Variants in AKAP9 observed in about 807,000 individuals in gnomAD.
The protein encoded by AKAP9 is A-kinase anchoring protein 9.
AKAP9 carries 311 observed loss-of-function variants against 488.5 expected under a neutral mutation model. The observed-to-expected ratio is 0.64, with a 90% confidence interval of 0.58 to 0.70. The LOEUF (loss-of-function observed/expected upper bound fraction) is 0.70. Ranked by LOEUF, AKAP9 falls within the 30% of genes least tolerant of loss-of-function variation. The pLI is 0.00. For missense variants in AKAP9, 4,215 were observed against 4,374.5 expected (o/e 0.96, Z 1.03); for synonymous variants, 1,462 against 1,483.5 (o/e 0.99, Z 0.33).
At chr7:92,034,496 A>ATTTTTT (rs1364779899) in intron 16 of AKAP9, among the ~76,000 whole-genome samples, 14 of 104,248 alleles carry the variant, frequency 1.3e-4, no homozygotes, top group Non-Finnish European at 1.7e-4. Flanking sequence ...ATATATATAT[A>ATTTTTT]TATTTTTTTT....
chr7:92,094,677 A>C (rs1816248267), intron 39 of AKAP9, among the ~76,000 whole-genome samples: 1 of 151,628 alleles, frequency 6.6e-6, no homozygotes, highest in Non-Finnish European at 1.5e-5. Context: ...TACTGAAAAT[A>C]CAAAAATTAG....
At chr7:92,063,059 A>T (rs1810160670) in intron 24 of AKAP9, among the ~76,000 whole-genome samples, 1 of 147,762 alleles carries the variant, frequency 6.8e-6, no homozygotes, top group Non-Finnish European at 1.5e-5. Flanking sequence ...TTAGCAGTAA[A>T]TGTCAGTCTT....
intron 17 of AKAP9, among the ~76,000 whole-genome samples, chr7:92,039,009 G>A (rs980348160): frequency 6.6e-6 from 1 of 152,100 alleles, no homozygotes; most frequent in African/African-American, 2.4e-5. Flanking sequence ...AGGTTCAGGC[G>A]ATTCTCCTGC....
At chr7:91,977,959 C>T (rs564200975) in intron 2 of AKAP9, among the ~76,000 whole-genome samples, 1 of 151,834 alleles carries the variant, frequency 6.6e-6, no homozygotes, top group East Asian at 1.9e-4. Flanking sequence ...AAGATAATCT[C>T]GGCTGGGTGC....
At chr7:91,976,534 TGA>T (rs1407762035) in intron 2 of AKAP9, among the ~76,000 whole-genome samples, 2 of 152,234 alleles carry the variant, frequency 1.3e-5, no homozygotes, top group Non-Finnish European at 2.9e-5. Context: ...ACCTGAGTGT[TGA>T]GTTTTGTTAA....
At chr7:92,012,697 C>T in intron 9 of AKAP9, 55 bp downstream of exon 9, 2 of 1,394,882 alleles carry the variant, frequency 1.4e-6, no homozygotes, top group Non-Finnish European at 2.0e-6. Flanking sequence ...TTGGATAGAG[C>T]CCACCATTCT....
chr7:91,953,556 A>G (rs1007955698), intron 1 of AKAP9, among the ~76,000 whole-genome samples: 2 of 152,218 alleles, frequency 1.3e-5, no homozygotes, highest in Admixed American at 6.5e-5. Context: ...GGATTCACTA[A>G]TAAGTCTAAA....
chr7:92,041,944 C>A, intron 18 of AKAP9, 102 bp from the exon 19 acceptor site: 1 of 1,234,548 alleles, frequency 8.1e-7, no homozygotes, highest in Non-Finnish European at 1.2e-6. Context: ...TAAGTAGAAC[C>A]AGGGCCTGTT....
chr7:92,097,460 A>C, intron 41 of AKAP9, 103 bp downstream of exon 41: 9 of 1,516,044 alleles, frequency 5.9e-6, no homozygotes, highest in Non-Finnish European at 8.0e-6. Context: ...GCTATATGTA[A>C]ATCACTTAAA....
intron 17 of AKAP9, 124 bp downstream of exon 17, chr7:92,038,896 C>A: frequency 1.4e-6 from 1 of 738,986 alleles, no homozygotes; most frequent in Non-Finnish European, 2.2e-6. Context: ...AGTCTTATGA[C>A]TCACGTTGTT....
chr7:91,962,262 C>T (rs1190736038), intron 1 of AKAP9, among the ~76,000 whole-genome samples: 8 of 152,146 alleles, frequency 5.3e-5, no homozygotes, highest in Admixed American at 6.5e-5. Flanking sequence ...TTCCCTCTCT[C>T]ACATTTTTAC....
At chr7:92,033,075 A>G (rs1003958465) in intron 16 of AKAP9, among the ~76,000 whole-genome samples, 8 of 152,230 alleles carry the variant, frequency 5.3e-5, no homozygotes, top group Admixed American at 1.3e-4. Context: ...GTTGATACAT[A>G]GTAAAGACTC....
rs753463985 is a variant in AKAP9 at position 92,061,245 on chromosome 7, TC to T, written c.5602-12del. 7 of 1,610,868 alleles carry T rather than the reference TC, an allele frequency of 4.3e-6. No individual in the cohort carries two copies. The South Asian group carries it at 7.7e-5, about 18-fold the overall frequency. On this transcript the variant is annotated splice_polypyrimidine_tract_variant and intron_variant, in intron 22 of 49. Coordinates refer to ENST00000356239, the MANE Select transcript of AKAP9 (RefSeq NM_005751.5). ...ACTTTATTTTCTTTTATGTATTGTTTCCCTCTTTGTTTAGCTTGAACATGCG... is the reference window on the plus strand; with the variant it reads ...ACTTTATTTTCTTTTATGTATTGTTTCCTCTTTGTTTAGCTTGAACATGCG...
At chr7:92,015,891 A>G (rs951994611) in intron 10 of AKAP9, among the ~76,000 whole-genome samples, 2 of 152,196 alleles carry the variant, frequency 1.3e-5, no homozygotes, top group Non-Finnish European at 2.9e-5. Context: ...GGAAGCAGAA[A>G]AAATTATAGT....
intron 3 of AKAP9, 104 bp downstream of exon 3, chr7:91,980,437 T>TA (rs1796245483): frequency 1.9e-6 from 1 of 533,490 alleles, no homozygotes; most frequent in Non-Finnish European, 3.2e-6. Context: ...CATGCTTCTA[T>TA]TTTATTTTTA....
chr7:91,973,404 A>G (rs1043086977), intron 1 of AKAP9, among the ~76,000 whole-genome samples: 4 of 152,160 alleles, frequency 2.6e-5, no homozygotes, highest in African/African-American at 9.7e-5. Context: ...TGGTGAGATT[A>G]TATTCTCACT....
chr7:92,040,032 T>C (rs768752923), intron 17 of AKAP9, among the ~76,000 whole-genome samples: 2 of 152,174 alleles, frequency 1.3e-5, no homozygotes, highest in Non-Finnish European at 2.9e-5. Flanking sequence ...TTAGGTGTTC[T>C]TCAAGACCTC....
intron 38 of AKAP9, among the ~76,000 whole-genome samples, chr7:92,091,585 C>CAAAAAAA (rs796606265): frequency 3.6e-4 from 8 of 22,076 alleles, no homozygotes; most frequent in Admixed American, 4.1e-4. Context: ...GACTCTGTCT[C>CAAAAAAA]AAAAAAAAAA....
At chr7:92,013,935 GAATA>G (rs1249833911) in intron 9 of AKAP9, among the ~76,000 whole-genome samples, 1 of 151,662 alleles carries the variant, frequency 6.6e-6, no homozygotes, top group East Asian at 1.9e-4. Context: ...TACAGTAGAA[GAATA>G]AATATTGATT....
Sources: gnomAD v4.1 joint callset for allele counts (sites outside exome capture counted in the v4.1 genomes callset) on GRCh38, gnomAD v4.1.1 for gene constraint, MANE v1.5 for transcripts, NCBI Gene and HGNC (gene_info 2026-07-23, HGNC 2026-07-21) for gene names.